CACNA1B: variants seen among roughly 807,000 people sequenced by gnomAD.
The protein encoded by CACNA1B is calcium voltage-gated channel subunit alpha1 B, also known as voltage-dependent N-type calcium channel subunit alpha-1B.
CACNA1B carries 70 observed loss-of-function variants against 247.2 expected under a neutral mutation model. The ratio of observed to expected loss-of-function variants is 0.28; its 90% CI spans 0.23 to 0.35. The LOEUF (loss-of-function observed/expected upper bound fraction) is 0.35. Ranked by LOEUF, CACNA1B falls within the 10% of genes least tolerant of loss-of-function variation. The pLI is 1.00. For synonymous variants in CACNA1B, 1,231 were observed against 1,294.4 expected, an observed-to-expected ratio of 0.95 and a Z score of 1.05; for missense variants, 2,367 against 3,197.4, an observed-to-expected ratio of 0.74 and a Z score of 6.26.
chr9:138,070,797 A>G (rs534250207), intron 32 of CACNA1B, among the ~76,000 whole-genome samples: 2 of 152,298 alleles, frequency 1.3e-5, no homozygotes, highest in East Asian at 3.9e-4. Context: ...TCCACCACAC[A>G]TCCACACCTG....
At chr9:138,107,303 G>A (rs1961466271) in intron 39 of CACNA1B, among the ~76,000 whole-genome samples, 2 of 150,962 alleles carry the variant, frequency 1.3e-5, no homozygotes, top group South Asian at 4.2e-4. Context: ...CTGGAGTGCA[G>A]TGGTGCAGTC....
rs1335571745 is a variant in CACNA1B, at chr9:138,011,303, A to G, written c.2160+1226A>G. 6.6e-6 allele frequency among the ~76,000 whole-genome samples: 1 copy of G among 152,176 alleles called. No homozygotes were observed. Among genetic ancestry groups the G allele is most frequent in the African/African-American group, 2.4e-5 (1 of 41,450 alleles). On this transcript the variant is annotated intron_variant, in intron 17 of 46. Coordinates refer to ENST00000371372, the MANE Select transcript of CACNA1B (RefSeq NM_000718.4). This position sits in a 1 kb window ranked among gnomAD's most constrained non-coding sequence, Gnocchi z 4.2. Reference sequence around the variant, plus strand: ...TCTCTTTAAGTTCTGTCATGAAGGAAGATGCATGGAGGAAGCCATGTCCTT... The same window carrying G: ...TCTCTTTAAGTTCTGTCATGAAGGAGGATGCATGGAGGAAGCCATGTCCTT...
In CACNA1B at chr9:137,957,655, G is replaced by T. The variant is rs1296862441; in HGVS notation, c.1301G>T (p.Gly434Val). Residue 434 changes from glycine (G) to valine (V), a missense_variant, in exon 10 of 47, where the codon GGA (glycine) becomes GTA (valine). Transcript: ENST00000371372. The surrounding 1 kb of genome is among the most constrained non-coding windows in gnomAD (Gnocchi z 4.7). ...SRNDLIHAEE[G>V]EDRFADLCAV... is the part of the protein sequence containing the mutation. Reference sequence around the variant, plus strand: ...AATGACCTGATCCACGCAGAGGAGGGAGAGGACCGGTTTGCAGATCTCTGT... The same window carrying T: ...AATGACCTGATCCACGCAGAGGAGGTAGAGGACCGGTTTGCAGATCTCTGT... 6.2e-7 allele frequency: 1 copy of T among 1,603,364 alleles called. No homozygotes were observed. The highest frequency in any genetic ancestry group is 1.3e-5 in the African/African-American group (1 of 74,886).
intron 36 of CACNA1B, among the ~76,000 whole-genome samples, chr9:138,086,798 C>A (rs1273376609): frequency 6.6e-6 from 1 of 151,188 alleles, no homozygotes; most frequent in Admixed American, 6.6e-5. Flanking sequence ...CTTTAAAGTG[C>A]CTTTTAGTCC....
chr9:138,084,495 C>G (rs993657258), intron 36 of CACNA1B, among the ~76,000 whole-genome samples: 1 of 151,280 alleles, frequency 6.6e-6, no homozygotes, highest in African/African-American at 2.4e-5. Context: ...ATGTTGAATG[C>G]AGCTAAAGAA....
chr9:137,942,646 G>A (rs1281062508), intron 6 of CACNA1B, among the ~76,000 whole-genome samples: 2 of 152,190 alleles, frequency 1.3e-5, no homozygotes, highest in Non-Finnish European at 2.9e-5. Context: ...GCCATAAAAT[G>A]GAATGAATTA....
chr9:138,089,587 A>G (rs1267294160), intron 36 of CACNA1B, among the ~76,000 whole-genome samples: 2 of 152,216 alleles, frequency 1.3e-5, no homozygotes, highest in Non-Finnish European at 2.9e-5. Context: ...ATCTACAACA[A>G]GAAAGGATAC....
In CACNA1B at chr9:137,882,736, T is replaced by C. The variant is rs1192682790; in HGVS notation, c.391-8T>C. ...CCAGGGGTGACCACTGTTCTGCGCT[T>C]CTCCTAGGACGACACGGAGCCCTAT... On this transcript the variant is annotated splice_polypyrimidine_tract_variant and splice_region_variant and intron_variant, in intron 2 of 46. Coordinates refer to ENST00000371372, the MANE Select transcript of CACNA1B (RefSeq NM_000718.4). The surrounding 1 kb of genome is among the most constrained non-coding windows in gnomAD (Gnocchi z 4.0). 4 of 1,613,668 alleles carry C rather than the reference T, an allele frequency of 2.5e-6. No individual in the cohort carries two copies. Among genetic ancestry groups the C allele is most frequent in the Non-Finnish European group, 2.5e-6 (3 of 1,179,780 alleles).
chr9:137,991,478 A>C (rs897683610), intron 15 of CACNA1B, among the ~76,000 whole-genome samples: 2 of 152,250 alleles, frequency 1.3e-5, no homozygotes, highest in African/African-American at 2.4e-5. Flanking sequence ...AGAGAAATCT[A>C]AAAGTTAGGA....
At chr9:137,896,849 G>C (rs1159550233) in intron 3 of CACNA1B, among the ~76,000 whole-genome samples, 2 of 152,198 alleles carry the variant, frequency 1.3e-5, no homozygotes, top group African/African-American at 4.8e-5. Context: ...TCCGTCGTGT[G>C]AGTTTGCATT....
rs1456415605 is a variant in CACNA1B, at chr9:138,105,812, G to A, written c.5428+5G>A. 4 of 1,510,498 alleles carry A rather than the reference G, an allele frequency of 2.6e-6. No homozygotes were observed. The highest frequency in any genetic ancestry group is 4.9e-5 in the East Asian group (2 of 40,960). The allele number at this position is 1,510,498 out of a possible 1,614,324, so 93.6% of individuals were successfully genotyped here. A position where few individuals can be genotyped will look rare whatever the true frequency, so the allele number is the denominator to read the frequency against. ...TGGAGATCAAGCTGGCCCCAGGTGAGCAAGGCAGCCTCGGAAGGAGGGCCC... is the reference window on the plus strand; with the variant it reads ...TGGAGATCAAGCTGGCCCCAGGTGAACAAGGCAGCCTCGGAAGGAGGGCCC... On this transcript the variant is annotated splice_donor_5th_base_variant and intron_variant, in intron 39 of 46. Coordinates refer to ENST00000371372, the MANE Select transcript of CACNA1B (RefSeq NM_000718.4).
Position 138,007,836 on chromosome 9 carries a change from G to A in CACNA1B, c.2092+952G>A, listed in dbSNP as rs1326542198. 6.6e-6 allele frequency among the ~76,000 whole-genome samples: 1 copy of A among 152,196 alleles called. No individual in the cohort carries two copies. The highest frequency in any genetic ancestry group is 1.5e-5 in the Non-Finnish European group (1 of 68,032). On this transcript the variant is annotated intron_variant, in intron 16 of 46. Coordinates refer to ENST00000371372, the MANE Select transcript of CACNA1B (RefSeq NM_000718.4). This position sits in a 1 kb window ranked among gnomAD's most constrained non-coding sequence, Gnocchi z 4.1. The stretch of plus-strand genomic sequence containing the variant: ...CTTCTACCCCGAACTTCTCACACAC[G>A]ATGGCCACTCCACCCCGTCTGTCTG...
At chr9:138,099,445 GC>G (rs1414740556) in intron 37 of CACNA1B, among the ~76,000 whole-genome samples, 1 of 152,220 alleles carries the variant, frequency 6.6e-6, no homozygotes, top group Non-Finnish European at 1.5e-5. Context: ...GTGTGCATAT[GC>G]CCATGTGTGC....
At chr9:138,047,299 T>C in intron 22 of CACNA1B, 100 bp from the exon 23 acceptor site, 2 of 907,870 alleles carry the variant, frequency 2.2e-6, no homozygotes, top group Non-Finnish European at 3.6e-6. Flanking sequence ...GCTCCCTGGC[T>C]GACTGCTCAG....
At chr9:138,008,365 C>T (rs1652029058) in intron 16 of CACNA1B, among the ~76,000 whole-genome samples, 1 of 152,230 alleles carries the variant, frequency 6.6e-6, no homozygotes, top group Admixed American at 6.5e-5. Context: ...AGCGTTAGTC[C>T]TGCTGGATCC....
chr9:137,878,285 C>T (rs909737000), intron 1 of CACNA1B, 68 bp downstream of exon 1: 5 of 1,156,750 alleles, frequency 4.3e-6, no homozygotes, highest in Non-Finnish European at 5.4e-6. Flanking sequence ...CCGGGGCCAT[C>T]TTCCCGGTGG....
chr9:137,982,580 G>A (rs948890754), intron 12 of CACNA1B, among the ~76,000 whole-genome samples: 1 of 152,206 alleles, frequency 6.6e-6, no homozygotes, highest in Non-Finnish European at 1.5e-5. Flanking sequence ...CTTAGAGGCT[G>A]CCTACTACAT....
At position 138,122,792 on chromosome 9, in the gene CACNA1B, C is replaced by T. The variant is rs1962146184; in HGVS notation, c.*793C>T. On this transcript the variant is annotated 3_prime_UTR_variant, in exon 47 of 47. Transcript: ENST00000371372. ...TCCGGTCCAGGTGGACGTAGACGGC[C>T]CCTGGCTCTGCTGCTCTTGACCAAG... 1 of 152,254 alleles carries T rather than the reference C, an allele frequency of 6.6e-6. No individual in the cohort carries two copies. The highest frequency in any genetic ancestry group is 2.4e-5 in the African/African-American group (1 of 41,468). The allele number at this position is 152,254 out of a possible 1,614,324, so 9.4% of individuals were successfully genotyped here.
intron 21 of CACNA1B, among the ~76,000 whole-genome samples, chr9:138,044,506 G>C (rs932810508): frequency 2.6e-5 from 4 of 152,278 alleles, no homozygotes; most frequent in African/African-American, 4.8e-5. Flanking sequence ...TGCAGATAGT[G>C]TTAAGTACTA....
Sources: gnomAD v4.1 joint callset for allele counts (sites outside exome capture counted in the v4.1 genomes callset) on GRCh38, gnomAD v4.1.1 for gene constraint, Gnocchi (gnomAD v3.1) non-coding constraint, MANE v1.5 for transcripts, NCBI Gene and HGNC (gene_info 2026-07-23, HGNC 2026-07-21) for gene names.